The following KCNC2 variants were observed in gnomAD, a reference collection of about 807,000 sequenced individuals.
KCNC2 encodes voltage-gated potassium channel KCNC2.
KCNC2 carries 21 observed loss-of-function variants against 44.5 expected under a neutral mutation model. The observed-to-expected ratio is 0.47, with a 90% CI of 0.33 to 0.68. The LOEUF is 0.68. Among genes scored for constraint, KCNC2 ranks in the 30% least tolerant of loss-of-function variants. The probability of loss-of-function intolerance (pLI) is 0.01; values close to 1 mark genes in which losing one functional copy is unlikely to be tolerated. For missense variants in KCNC2, 589 were observed against 826.2 expected (o/e 0.71, Z 3.52); for synonymous variants, 391 against 339.1 (o/e 1.15, Z -1.68).
At chr12:75,121,278 C>G (rs930980362) in intron 2 of KCNC2, among the ~76,000 whole-genome samples, 1 of 152,202 alleles carries the variant, frequency 6.6e-6, no homozygotes, top group Non-Finnish European at 1.5e-5. Flanking sequence ...AGAAACCAAG[C>G]ATTCTGTCTT....
chr12:75,188,394 T>A (rs947674272), intron 2 of KCNC2, among the ~76,000 whole-genome samples: 3 of 152,176 alleles, frequency 2.0e-5, no homozygotes, highest in Non-Finnish European at 4.4e-5. Flanking sequence ...ATTTAGCAAA[T>A]AAAAATATAA....
intron 2 of KCNC2, among the ~76,000 whole-genome samples, chr12:75,193,202 T>C (rs763686169): frequency 1.3e-5 from 2 of 152,140 alleles, no homozygotes; most frequent in African/African-American, 2.4e-5. Context: ...TATCTTCTTA[T>C]CCAAATTTTA....
chr12:75,183,854 T>G (rs1892760676), intron 2 of KCNC2, among the ~76,000 whole-genome samples: 1 of 152,194 alleles, frequency 6.6e-6, no homozygotes, highest in Non-Finnish European at 1.5e-5. Context: ...CACCGGGTCC[T>G]CCACAATCTC....
chr12:75,173,576 C>G (rs892698391), intron 2 of KCNC2, among the ~76,000 whole-genome samples: 3 of 151,858 alleles, frequency 2.0e-5, no homozygotes, highest in Non-Finnish European at 4.4e-5. Context: ...CAGCTTTCCT[C>G]ACCAGAGAAA....
intron 2 of KCNC2, among the ~76,000 whole-genome samples, chr12:75,167,797 G>A (rs542727093): frequency 7.3e-5 from 11 of 150,360 alleles, no homozygotes; most frequent in East Asian, 2.0e-4. Context: ...TTTTCTTTTC[G>A]TATAACCCCT....
chr12:75,122,707 G>A (rs1386424521), intron 2 of KCNC2, among the ~76,000 whole-genome samples: 1 of 151,804 alleles, frequency 6.6e-6, no homozygotes, highest in Non-Finnish European at 1.5e-5. Flanking sequence ...GTACAAACAT[G>A]TTTTTGTTCA....
At position 75,042,207 on chromosome 12, in the gene KCNC2, T is replaced by TA; in HGVS notation, c.*897_*898insT. On this transcript the variant is annotated 3_prime_UTR_variant, in exon 5 of 5. Coordinates refer to ENST00000549446, the MANE Select transcript of KCNC2 (RefSeq NM_139137.4). ...TGAAAATGATGACAAACCCTGGGTA[T>TA]TTTTTTTTTTTAAAGAGTCTAGAAC... 1 of 513,034 alleles carries TA rather than the reference T, an allele frequency of 1.9e-6. No homozygotes were observed. The allele number at this position is 513,034 out of a possible 1,614,324, so 31.8% of individuals were successfully genotyped here.
chr12:75,167,925 A>G (rs1358166252), intron 2 of KCNC2, among the ~76,000 whole-genome samples: 1 of 151,278 alleles, frequency 6.6e-6, no homozygotes, highest in Non-Finnish European at 1.5e-5. Context: ...TTCAATCATC[A>G]TTTCCAATTT....
At position 75,208,904 on chromosome 12, in the gene KCNC2, C is replaced by T. The variant is rs144954271; in HGVS notation, c.-20+303G>A. ...TCTTTAAGAATAGAAGTGATCAATG[C>T]ATCCCACCCATCCCCCTTCCCAAGA... On this transcript the variant is annotated intron_variant, in intron 1 of 4. Transcript: ENST00000549446. 4.3e-4 allele frequency among the ~76,000 whole-genome samples: 66 copies of T among 152,222 alleles called. No individual in the cohort carries two copies. The East Asian group carries it at 7.2e-3, about 17-fold the overall frequency.
At chr12:75,192,229 G>A (rs1253879556) in intron 2 of KCNC2, among the ~76,000 whole-genome samples, 2 of 152,144 alleles carry the variant, frequency 1.3e-5, no homozygotes, top group African/African-American at 4.8e-5. Flanking sequence ...TAATTTCCTT[G>A]CTGCCGCAAC....
At chr12:75,152,251 T>C (rs1890452252) in intron 2 of KCNC2, among the ~76,000 whole-genome samples, 2 of 149,368 alleles carry the variant, frequency 1.3e-5, no homozygotes, top group Admixed American at 6.7e-5. Context: ...AATAAATACA[T>C]ACGTAAACAT....
chr12:75,160,200 T>C (rs571957433), intron 2 of KCNC2, among the ~76,000 whole-genome samples: 73 of 151,658 alleles, frequency 4.8e-4, no homozygotes, highest in African/African-American at 1.4e-3. Context: ...AAGAAGAAAT[T>C]TGGACACAGA....
intron 2 of KCNC2, among the ~76,000 whole-genome samples, chr12:75,119,104 A>T (rs928102727): frequency 6.6e-6 from 1 of 152,198 alleles, no homozygotes; most frequent in Non-Finnish European, 1.5e-5. Flanking sequence ...GGTACATGGA[A>T]TGTGTTTGCT....
chr12:75,167,942 A>T (rs1007716088), intron 2 of KCNC2, among the ~76,000 whole-genome samples: 1 of 151,264 alleles, frequency 6.6e-6, no homozygotes, highest in African/African-American at 2.4e-5. Flanking sequence ...ATTTTATCTC[A>T]ATCTCTGCAT....
intron 2 of KCNC2, among the ~76,000 whole-genome samples, chr12:75,141,350 T>C (rs1889638039): frequency 1.3e-5 from 2 of 152,234 alleles, no homozygotes; most frequent in Non-Finnish European, 2.9e-5. Flanking sequence ...TAGATTATCT[T>C]GAGGATTAAA....
intron 2 of KCNC2, among the ~76,000 whole-genome samples, chr12:75,079,156 G>A (rs1351951426): frequency 1.3e-5 from 2 of 152,032 alleles, no homozygotes; most frequent in Admixed American, 6.6e-5. Context: ...ATTTTGTGGT[G>A]TTATTAGTAA....
At chr12:75,052,953 A>G (rs1042963981) in intron 2 of KCNC2, among the ~76,000 whole-genome samples, 2 of 152,094 alleles carry the variant, frequency 1.3e-5, no homozygotes, top group Non-Finnish European at 2.9e-5. Context: ...AGTTTTGGCA[A>G]TGTGGTCTGA....
chr12:75,156,971 T>A (rs1242517020), intron 2 of KCNC2, among the ~76,000 whole-genome samples: 2 of 151,826 alleles, frequency 1.3e-5, no homozygotes, highest in Non-Finnish European at 2.9e-5. Flanking sequence ...ATAAACCAAC[T>A]TACTTCAAGA....
intron 2 of KCNC2, among the ~76,000 whole-genome samples, chr12:75,092,068 C>G (rs981140011): frequency 1.3e-5 from 2 of 151,518 alleles, no homozygotes; most frequent in Non-Finnish European, 3.0e-5. Context: ...AGCATCAGAT[C>G]CACCTGAGAT....
Sources: allele counts gnomAD v4.1 joint callset (sites outside exome capture counted in the v4.1 genomes callset), GRCh38; gene constraint gnomAD v4.1.1; transcripts MANE v1.5; gene names NCBI Gene and HGNC (gene_info 2026-07-23, HGNC 2026-07-21).